Variants in EPHA10 observed in about 807,000 individuals in gnomAD.
EPHA10 encodes EPH receptor A10.
EPHA10 carries 120 observed loss-of-function variants against 109.7 expected under a neutral mutation model. The ratio of observed to expected loss-of-function variants is 1.09; its 90% confidence interval spans 0.94 to 1.27. The LOEUF is 1.27. Among genes scored for constraint, EPHA10 ranks in the 50% most tolerant of loss-of-function variants. EPHA10 has a pLI of 0.00. For synonymous variants in EPHA10, 640 were observed against 618.9 expected, an observed-to-expected ratio of 1.03 and a Z score of -0.51; for missense variants, 1,396 against 1,411.1, an observed-to-expected ratio of 0.99 and a Z score of 0.17.
At chr1:37,762,710 C>T in intron 2 of EPHA10, 75 bp downstream of exon 2, 1 of 1,348,804 alleles carries the variant, frequency 7.4e-7, no homozygotes, top group Non-Finnish European at 1.0e-6. Flanking sequence ...CTGATGTAAA[C>T]ATGAGGAGCT....
At chr1:37,761,241 C>T in intron 3 of EPHA10, 164 bp downstream of exon 3, 1 of 1,500,102 alleles carries the variant, frequency 6.7e-7, no homozygotes, top group Non-Finnish European at 8.8e-7. Flanking sequence ...ACTGGACTCA[C>T]TGGAAACTCC....
intron 6 of EPHA10, among the ~76,000 whole-genome samples, chr1:37,733,820 C>T (rs958939724): frequency 2.6e-5 from 4 of 152,050 alleles, no homozygotes; most frequent in Non-Finnish European, 1.5e-5. Flanking sequence ...CTCTCTCTTT[C>T]TCTCCCTTTC....
chr1:37,754,498 C>G lies in EPHA10; in HGVS notation c.851-128G>C, dbSNP rs1646376923. Reference sequence around the variant, plus strand: ...AAAACAGTCAGGGGACTCAGCCACTCCAGTCAGCACTGCCCCGTGGAGTGA... The same window carrying G: ...AAAACAGTCAGGGGACTCAGCCACTGCAGTCAGCACTGCCCCGTGGAGTGA... On this transcript the variant is annotated intron_variant, in intron 3 of 16. Coordinates refer to ENST00000373048, the MANE Select transcript of EPHA10 (RefSeq NM_001099439.2). This position sits in a 1 kb window ranked among gnomAD's most constrained non-coding sequence, Gnocchi z 4.5. 1.2e-6 allele frequency: 1 copy of G among 827,996 alleles called. No individual in the cohort carries two copies. Among genetic ancestry groups the G allele is most frequent in the Non-Finnish European group, 1.6e-6 (1 of 615,132 alleles). 51.3% of individuals were successfully genotyped at this position (827,996 alleles called of 1,614,324 possible). A position where few individuals can be genotyped will look rare whatever the true frequency, so the allele number is the denominator to read the frequency against.
At position 37,762,022 on chromosome 1, in the gene EPHA10, T is replaced by C. The variant is rs769349980; in HGVS notation, c.233A>G (p.Asn78Ser). 6 of 1,613,758 alleles carry C rather than the reference T, an allele frequency of 3.7e-6. No homozygotes were observed. Among genetic ancestry groups the C allele is most frequent in the Non-Finnish European group, 5.1e-6 (6 of 1,179,820 alleles). ...DRPIRTYQVCNVLEPNQDNWL... is the reference protein window; with the variant it reads ...DRPIRTYQVCSVLEPNQDNWL... ...GTTGTCCTGGTTGGGCTCCAGCACATTGCACACTTGGTACGTGCGGATGGG... is the reference window on the plus strand; with the variant it reads ...GTTGTCCTGGTTGGGCTCCAGCACACTGCACACTTGGTACGTGCGGATGGG... The change falls in exon 3 of 17, where the codon AAT becomes AGT. Residue 78 changes from asparagine (N) to serine (S), a missense_variant. By Grantham distance (46) the Asn-to-Ser change is conservative (BLOSUM62 1). Transcript: ENST00000373048.
chr1:37,721,106 G>A (rs374187957), intron 11 of EPHA10, among the ~76,000 whole-genome samples: 23 of 152,094 alleles, frequency 1.5e-4, no homozygotes, highest in South Asian at 1.5e-3. Context: ...TGATATTCTA[G>A]GGGACCTATC....
intron 5 of EPHA10, among the ~76,000 whole-genome samples, chr1:37,749,426 A>G (rs1646289507): frequency 6.6e-6 from 1 of 151,956 alleles, no homozygotes. Context: ...TAATCCCAGC[A>G]CTTTGGGAGG....
At chr1:37,719,338 T>C in intron 15 of EPHA10, 76 bp downstream of exon 15, 2 of 1,513,990 alleles carry the variant, frequency 1.3e-6, no homozygotes, top group South Asian at 2.4e-5. Context: ...GTGGAGGCGG[T>C]GGGTTTGCAC....
intron 15 of EPHA10, 55 bp from the exon 16 acceptor site, chr1:37,718,871 G>C: frequency 6.5e-7 from 1 of 1,547,986 alleles, no homozygotes; most frequent in Non-Finnish European, 8.7e-7. Flanking sequence ...GCCCACACCT[G>C]GTGGTCTCCC....
At chr1:37,758,167 T>C (rs1223879394) in intron 3 of EPHA10, among the ~76,000 whole-genome samples, 3 of 152,140 alleles carry the variant, frequency 2.0e-5, no homozygotes, top group Non-Finnish European at 4.4e-5. Flanking sequence ...AAATCTGGCC[T>C]GCTTTTTTAT....
intron 8 of EPHA10, among the ~76,000 whole-genome samples, chr1:37,724,779 C>G (rs935309119): frequency 3.9e-5 from 6 of 152,166 alleles, no homozygotes; most frequent in Non-Finnish European, 7.3e-5. Context: ...AGCCTGGGCT[C>G]GGAACCTGAC....
At chr1:37,741,543 A>G (rs1172041930) in intron 5 of EPHA10, among the ~76,000 whole-genome samples, 2 of 152,164 alleles carry the variant, frequency 1.3e-5, no homozygotes, top group Non-Finnish European at 2.9e-5. Context: ...GAAAACCTAC[A>G]CCATCACCAT....
intron 5 of EPHA10, among the ~76,000 whole-genome samples, chr1:37,752,407 C>A (rs949293447): frequency 6.6e-6 from 1 of 152,094 alleles, no homozygotes; most frequent in African/African-American, 2.4e-5. Flanking sequence ...AGGGCCGGAT[C>A]CGGCTTCCCG....
At chr1:37,740,833 T>C (rs1569713475) in intron 5 of EPHA10, among the ~76,000 whole-genome samples, 1 of 150,888 alleles carries the variant, frequency 6.6e-6, no homozygotes, top group Non-Finnish European at 1.5e-5. Context: ...GGGAGAAAAA[T>C]GGAGATGCAG....
intron 14 of EPHA10, 73 bp downstream of exon 14, chr1:37,719,836 G>A: frequency 6.2e-7 from 1 of 1,609,808 alleles, no homozygotes; most frequent in South Asian, 1.1e-5. Flanking sequence ...AGGGCCAACG[G>A]GCAGAGGTCA....
Position 37,735,325 on chromosome 1 carries a change from GCCACGACAGGGACACGC to G in EPHA10, c.1406_1422del (p.Ser469ThrfsTer13). The G allele has an allele frequency of 6.4e-7, 1 of 1,571,278 alleles. No homozygotes were observed. Among genetic ancestry groups the G allele is most frequent in the Non-Finnish European group, 8.6e-7 (1 of 1,158,092 alleles). On this transcript the variant is annotated frameshift_variant, in exon 6 of 17. Transcript: ENST00000373048. LOFTEE classifies it high-confidence loss of function. ...GGGGCTCCGGCAGGGATGGGCTCCC[GCCACGACAGGGACACGC>G]TCTGGGGTTCCACTCGGTCCCTGCG...
chr1:37,733,588 T>C (rs1646024412), intron 6 of EPHA10, among the ~76,000 whole-genome samples: 1 of 152,090 alleles, frequency 6.6e-6, no homozygotes. Context: ...ACCTTGGGGC[T>C]CTTGTCTATA....
intron 5 of EPHA10, among the ~76,000 whole-genome samples, chr1:37,749,763 T>C (rs1303797616): frequency 6.6e-6 from 1 of 152,198 alleles, no homozygotes; most frequent in Non-Finnish European, 1.5e-5. Context: ...GGGAAGATGT[T>C]CTCAGAAATG....
At chr1:37,715,837 G>A (rs1260658515), downstream of EPHA10, 2 of 512,108 alleles carry the variant, frequency 3.9e-6, no homozygotes, top group Non-Finnish European at 7.6e-6. Context: ...TTCACGGCAG[G>A]AGCAGTGTTG....
intron 10 of EPHA10, 106 bp from the exon 11 acceptor site, chr1:37,721,951 C>G (rs987702661): frequency 8.8e-7 from 1 of 1,131,536 alleles, no homozygotes; most frequent in African/African-American, 1.6e-5. Flanking sequence ...GCCAACATGG[C>G]GAAACCCAGT....
Sources: allele counts gnomAD v4.1 joint callset (sites outside exome capture counted in the v4.1 genomes callset), GRCh38; gene constraint gnomAD v4.1.1; non-coding constraint Gnocchi (gnomAD v3.1); transcripts MANE v1.5; gene names NCBI Gene and HGNC (gene_info 2026-07-23, HGNC 2026-07-21).